LMBR1: variants seen among roughly 807,000 people sequenced by gnomAD.
LMBR1 encodes the protein limb region 1 protein homolog.
In LMBR1, 52 loss-of-function variants were observed where a neutral mutation model predicts 73.9. That is an observed-to-expected ratio of 0.70 (90% CI 0.56 to 0.89). LMBR1 has a LOEUF of 0.89. Among genes scored for constraint, LMBR1 ranks in the 40% least tolerant of loss-of-function variants. The probability of loss-of-function intolerance (pLI) is 0.00; values close to 1 mark genes in which losing one functional copy is unlikely to be tolerated. For synonymous variants in LMBR1, 215 were observed against 209.4 expected (o/e 1.03, Z -0.23); for missense variants, 539 against 579.8 (o/e 0.93, Z 0.72).
chr7:156,830,870 T>A (rs1836558348), intron 3 of LMBR1, among the ~76,000 whole-genome samples: 1 of 152,218 alleles, frequency 6.6e-6, no homozygotes, highest in Non-Finnish European at 1.5e-5. Context: ...GTGCCAGGAC[T>A]GTGCTAGGCA....
At chr7:156,697,948 C>T (rs1367566717) in intron 15 of LMBR1, among the ~76,000 whole-genome samples, 1 of 152,202 alleles carries the variant, frequency 6.6e-6, no homozygotes, top group Non-Finnish European at 1.5e-5. Context: ...GAGATCTTCA[C>T]AATTTATGTT....
chr7:156,681,169 G>A lies in LMBR1; in HGVS notation c.*2909C>T, dbSNP rs910567161. On this transcript the variant is annotated 3_prime_UTR_variant, in exon 17 of 17. Transcript: ENST00000353442. The stretch of plus-strand genomic sequence containing the variant: ...AACTAGCACATAAGAGCCTGTAAAT[G>A]ATGAAAACCTGTGTCCCTGGCAGAC... The A allele has an allele frequency of 1.1e-5, 5 of 453,910 alleles. No individual in the cohort carries two copies. Among genetic ancestry groups the A allele is most frequent in the South Asian group, 7.8e-5 (5 of 64,154 alleles). The allele number at this position is 453,910 out of a possible 1,614,324, so 28.1% of individuals were successfully genotyped here.
At chr7:156,756,301 A>C in intron 9 of LMBR1, 92 bp downstream of exon 9, 1 of 690,466 alleles carries the variant, frequency 1.4e-6, no homozygotes, top group Non-Finnish European at 2.6e-6. Context: ...CACAAGATTC[A>C]GAGAGGTTTA....
intron 1 of LMBR1, chr7:156,892,544 C>T (rs1405746769): frequency 6.0e-6 from 1 of 166,036 alleles, no homozygotes; most frequent in African/African-American, 2.4e-5. Flanking sequence ...AGCCGCACAC[C>T]CGCCCAGAGA....
intron 1 of LMBR1, among the ~76,000 whole-genome samples, chr7:156,883,111 A>C (rs1372656592): frequency 1.3e-5 from 2 of 151,868 alleles, no homozygotes; most frequent in African/African-American, 4.8e-5. Flanking sequence ...TTTAAAAAAG[A>C]AGGACAGGGC....
chr7:156,850,459 G>T lies in LMBR1; in HGVS notation c.67-13574C>A, dbSNP rs1159240982. ...TCCTATATTCCTCCCACCCTGCTTAGACTCTTGTAACCACCAATCTACTTT... is the reference window on the plus strand; with the variant it reads ...TCCTATATTCCTCCCACCCTGCTTATACTCTTGTAACCACCAATCTACTTT... On this transcript the variant is annotated intron_variant, in intron 1 of 16. Coordinates refer to ENST00000353442, the MANE Select transcript of LMBR1 (RefSeq NM_022458.4). Among the ~76,000 whole-genome samples the T allele has an allele frequency of 2.0e-5, 3 of 152,182 alleles. No homozygotes were observed. In the East Asian group the frequency reaches 5.8e-4, roughly 29 times the overall value.
chr7:156,676,428 CG>C, downstream of LMBR1: 1 of 1,614,070 alleles, frequency 6.2e-7, no homozygotes, highest in Non-Finnish European at 8.5e-7. Context: ...GGCTCTGCGC[CG>C]GGAGACCCAC....
In LMBR1 at chr7:156,789,957, TTC is replaced by T. The variant is rs919522270; in HGVS notation, c.423+6430_423+6431del. Among the ~76,000 whole-genome samples, 157 of 151,548 alleles carry T rather than the reference TTC, an allele frequency of 1.0e-3. 2 individuals carry two copies. Among genetic ancestry groups the T allele is most frequent in the Non-Finnish European group, 3.5e-4 (24 of 68,006 alleles). On this transcript the variant is annotated intron_variant, in intron 5 of 16. Coordinates refer to ENST00000353442, the MANE Select transcript of LMBR1 (RefSeq NM_022458.4). Reference sequence around the variant, plus strand: ...ACTTTAAAATCTGTACTTGGTAACTTTCTGTTTCCTCTCTGCCAAAGCTTTTC... The same window carrying T: ...ACTTTAAAATCTGTACTTGGTAACTTTGTTTCCTCTCTGCCAAAGCTTTTC...
At chr7:156,701,154 C>T (rs1341856554) in intron 15 of LMBR1, among the ~76,000 whole-genome samples, 8 of 152,142 alleles carry the variant, frequency 5.3e-5, no homozygotes, top group Admixed American at 5.2e-4. Context: ...CACAGCCACA[C>T]CATATCAAAT....
intron 1 of LMBR1, among the ~76,000 whole-genome samples, chr7:156,872,856 A>C (rs562067534): frequency 1.4e-4 from 22 of 152,314 alleles, no homozygotes; most frequent in African/African-American, 5.3e-4. Flanking sequence ...GAACTACTGC[A>C]GGAAAGCCTA....
chr7:156,782,971 C>T (rs11981344), intron 5 of LMBR1, among the ~76,000 whole-genome samples: 28,319 of 152,084 alleles, frequency 0.19, 3,092 homozygotes, highest in African/African-American at 0.3. Context: ...CTTTGCCTAT[C>T]TTGTAATATT....
chr7:156,694,965 T>A (rs901580790), intron 15 of LMBR1, among the ~76,000 whole-genome samples: 1 of 150,692 alleles, frequency 6.6e-6, no homozygotes, highest in Non-Finnish European at 1.5e-5. Context: ...AGACTCAATA[T>A]TGTAAAGATG....
intron 15 of LMBR1, among the ~76,000 whole-genome samples, chr7:156,718,205 G>A (rs1195109575): frequency 6.6e-6 from 1 of 152,002 alleles, no homozygotes; most frequent in Admixed American, 6.6e-5. Flanking sequence ...TTTCAGACCA[G>A]CCTGGGCAAT....
At chr7:156,765,438 C>T (rs1422603105) in intron 5 of LMBR1, among the ~76,000 whole-genome samples, 1 of 152,172 alleles carries the variant, frequency 6.6e-6, no homozygotes. Context: ...TCCTGAGGCA[C>T]CCCAAGCCAT....
rs543650719 is a variant in LMBR1 at position 156,885,844 on chromosome 7, C to A, written c.66+7084G>T. ...CGTGAGCCGAGATTGTGCCACTGCACTCCAGGCTGGGTGACAGAGACTCCA... is the reference window on the plus strand; with the variant it reads ...CGTGAGCCGAGATTGTGCCACTGCAATCCAGGCTGGGTGACAGAGACTCCA... On this transcript the variant is annotated intron_variant, in intron 1 of 16. Coordinates refer to ENST00000353442, the MANE Select transcript of LMBR1 (RefSeq NM_022458.4). 9.2e-5 allele frequency among the ~76,000 whole-genome samples: 14 copies of A among 152,036 alleles called. No homozygotes were observed. The South Asian group carries it at 2.9e-3, about 32-fold the overall frequency.
chr7:156,790,599 TAC>T lies in LMBR1; in HGVS notation c.423+5788_423+5789del, dbSNP rs1298680208. Among the ~76,000 whole-genome samples, 4 of 151,962 alleles carry T rather than the reference TAC, an allele frequency of 2.6e-5. No individual in the cohort carries two copies. In the East Asian group the frequency reaches 7.7e-4, roughly 29 times the overall value. On this transcript the variant is annotated intron_variant, in intron 5 of 16. Transcript: ENST00000353442. ...TAGGGTTCAATTCAAAGTATACCATTACAGTGTATATGGAAACTGAGTGATGT... is the reference window on the plus strand; with the variant it reads ...TAGGGTTCAATTCAAAGTATACCATTAGTGTATATGGAAACTGAGTGATGT...
At chr7:156,827,899 AAAAAT>A (rs1268939070) in intron 3 of LMBR1, among the ~76,000 whole-genome samples, 5 of 152,306 alleles carry the variant, frequency 3.3e-5, no homozygotes, top group Admixed American at 6.5e-5. Flanking sequence ...GATACTTAAG[AAAAAT>A]ACAACTGATA....
downstream of LMBR1, chr7:156,676,581 G>A (rs375486401): frequency 5.5e-5 from 88 of 1,614,064 alleles, no homozygotes; most frequent in Middle Eastern, 1.6e-4. Context: ...GGAGTTCTCC[G>A]TGGGAGACAG....
At chr7:156,824,911 C>T (rs952039175) in intron 4 of LMBR1, among the ~76,000 whole-genome samples, 5 of 151,600 alleles carry the variant, frequency 3.3e-5, no homozygotes, top group Admixed American at 6.6e-5. Flanking sequence ...CGAAAGCACA[C>T]TTAACTGTAA....
Sources: allele counts gnomAD v4.1 joint callset (sites outside exome capture counted in the v4.1 genomes callset), GRCh38; gene constraint gnomAD v4.1.1; transcripts MANE v1.5; gene names NCBI Gene and HGNC (gene_info 2026-07-23, HGNC 2026-07-21).